ZNF804B: variants seen among roughly 807,000 people sequenced by gnomAD.
The protein encoded by ZNF804B is zinc finger 804B.
Under a neutral mutation model 101.4 loss-of-function variants are expected in ZNF804B, and 80 were observed. The ratio of observed to expected loss-of-function variants is 0.79; its 90% confidence interval spans 0.66 to 0.95. The LOEUF (loss-of-function observed/expected upper bound fraction) is 0.95, where lower values mean the gene tolerates loss of function less well. Ranked by LOEUF, ZNF804B falls within the 40% of genes least tolerant of loss-of-function variation. The probability of loss-of-function intolerance (pLI) is 0.00; values close to 1 mark genes in which losing one functional copy is unlikely to be tolerated. For missense variants in ZNF804B, 1,673 were observed against 1,561.9 expected (o/e 1.07, Z -1.20); for synonymous variants, 622 against 558.8 (o/e 1.11, Z -1.59).
intron 1 of ZNF804B, among the ~76,000 whole-genome samples, chr7:89,187,419 C>T (rs1788390804): frequency 1.3e-5 from 2 of 152,052 alleles, no homozygotes; most frequent in African/African-American, 4.8e-5. Flanking sequence ...AAGGGAGCTC[C>T]AAACAAACAA....
rs115424934 is a variant in ZNF804B, at chr7:89,329,828, T to C, written c.380+2354T>C. 7.2e-3 allele frequency among the ~76,000 whole-genome samples: 1,091 copies of C among 151,806 alleles called. 14 individuals are homozygous for C. The highest frequency in any genetic ancestry group is 0.025 in the African/African-American group (1,053 of 41,504). ...TTTTTTAAGTGGTGTCATTTCTTAA[T>C]GTTCCACGTTATCTAGCTCTTATAT... On this transcript the variant is annotated intron_variant, in intron 3 of 3. Coordinates refer to ENST00000333190, the MANE Select transcript of ZNF804B (RefSeq NM_181646.5).
At chr7:89,120,588 G>T (rs1444403834) in intron 1 of ZNF804B, among the ~76,000 whole-genome samples, 1 of 145,182 alleles carries the variant, frequency 6.9e-6, no homozygotes, top group African/African-American at 2.6e-5. Context: ...AACCCGGGAG[G>T]CGGAGCTTGC....
At chr7:89,213,066 G>A (rs957485881) in intron 1 of ZNF804B, among the ~76,000 whole-genome samples, 3 of 152,136 alleles carry the variant, frequency 2.0e-5, no homozygotes. Flanking sequence ...TTGAACTTCT[G>A]TAAGACAGAG....
chr7:88,944,330 GT>G (rs1349430459), intron 1 of ZNF804B, among the ~76,000 whole-genome samples: 3 of 151,482 alleles, frequency 2.0e-5, no homozygotes, highest in Non-Finnish European at 4.4e-5. Context: ...TGCAATTTTT[GT>G]TTGCATTTTC....
intron 1 of ZNF804B, among the ~76,000 whole-genome samples, chr7:89,165,541 A>G (rs1791129421): frequency 6.6e-6 from 1 of 152,120 alleles, no homozygotes; most frequent in African/African-American, 2.4e-5. Flanking sequence ...TGGAAGGCAG[A>G]ATCCCTTAAG....
chr7:89,298,565 T>G (rs1463341883), intron 2 of ZNF804B, among the ~76,000 whole-genome samples: 1 of 151,736 alleles, frequency 6.6e-6, no homozygotes, highest in Non-Finnish European at 1.5e-5. Context: ...TACATCTGTG[T>G]CTTTGCATGT....
At chr7:89,200,740 G>A (rs1299932920) in intron 1 of ZNF804B, among the ~76,000 whole-genome samples, 2 of 151,840 alleles carry the variant, frequency 1.3e-5, no homozygotes, top group African/African-American at 4.8e-5. Flanking sequence ...TCTGTCCACC[G>A]CCAACATATG....
At chr7:88,780,386 C>CTTTTTTT (rs34619990) in intron 1 of ZNF804B, among the ~76,000 whole-genome samples, 5 of 111,196 alleles carry the variant, frequency 4.5e-5, no homozygotes, top group African/African-American at 7.0e-5. Context: ...ACTTTTTTGT[C>CTTTTTTT]TTTTTTTTTT....
intron 1 of ZNF804B, among the ~76,000 whole-genome samples, chr7:89,178,735 T>G (rs1280007096): frequency 2.6e-5 from 4 of 152,180 alleles, no homozygotes; most frequent in Non-Finnish European, 5.9e-5. Context: ...ATTCATATTT[T>G]TCTTTGTGCT....
chr7:88,760,174 A>T, intron 1 of ZNF804B, 90 bp downstream of exon 1: 1 of 1,079,114 alleles, frequency 9.3e-7, no homozygotes, highest in South Asian at 1.3e-5. Flanking sequence ...TGATACAATG[A>T]GTAGGTGGTG....
At chr7:89,161,144 T>C (rs1350284905) in intron 1 of ZNF804B, among the ~76,000 whole-genome samples, 1 of 152,014 alleles carries the variant, frequency 6.6e-6, no homozygotes, top group Non-Finnish European at 1.5e-5. Context: ...AGCTGACTCC[T>C]ACAACTGTGC....
chr7:88,793,756 C>A (rs922256980), intron 1 of ZNF804B, among the ~76,000 whole-genome samples: 2 of 152,062 alleles, frequency 1.3e-5, no homozygotes, highest in Admixed American at 6.6e-5. Flanking sequence ...AGGTTGCAAG[C>A]AACTCAAGGG....
intron 1 of ZNF804B, among the ~76,000 whole-genome samples, chr7:89,200,870 C>T (rs2115649020): frequency 6.6e-6 from 1 of 152,106 alleles, no homozygotes; most frequent in East Asian, 1.9e-4. Context: ...CATCTGTTTT[C>T]TCTTTCTATC....
At chr7:89,133,035 A>T (rs1168930175) in intron 1 of ZNF804B, among the ~76,000 whole-genome samples, 2 of 152,004 alleles carry the variant, frequency 1.3e-5, no homozygotes, top group Middle Eastern at 3.2e-3. Context: ...ATAATGCCTT[A>T]ACCTAAATCT....
In ZNF804B at chr7:88,759,802, A is replaced by G; in HGVS notation, c.-175A>G. On this transcript the variant is annotated 5_prime_UTR_variant, in exon 1 of 4. Transcript: ENST00000333190. ...TGTCAGAGCAGCAGCTGTCGGCAGCAGGAGCCCCGCACGGGGCGCGGAGCA... is the reference window on the plus strand; with the variant it reads ...TGTCAGAGCAGCAGCTGTCGGCAGCGGGAGCCCCGCACGGGGCGCGGAGCA... The G allele has an allele frequency of 5.0e-6, 3 of 605,350 alleles. No individual in the cohort carries two copies. Among genetic ancestry groups the G allele is most frequent in the East Asian group, 2.8e-5 (1 of 36,068 alleles). The allele number at this position is 605,350 out of a possible 1,614,324, so 37.5% of individuals were successfully genotyped here.
intron 2 of ZNF804B, among the ~76,000 whole-genome samples, chr7:89,326,318 T>C (rs1584126692): frequency 1.3e-5 from 2 of 152,024 alleles, no homozygotes; most frequent in South Asian, 4.1e-4. Flanking sequence ...ATCTCACCAC[T>C]GTCTACCATG....
At chr7:89,093,333 T>G (rs1255772010) in intron 1 of ZNF804B, among the ~76,000 whole-genome samples, 1 of 152,228 alleles carries the variant, frequency 6.6e-6, no homozygotes. Context: ...CAAAGTTATT[T>G]AGGTAACTTT....
chr7:89,000,080 G>T (rs767316423), intron 1 of ZNF804B, among the ~76,000 whole-genome samples: 1 of 151,938 alleles, frequency 6.6e-6, no homozygotes, highest in Non-Finnish European at 1.5e-5. Flanking sequence ...GACATAGACT[G>T]TGTGATACAA....
At chr7:88,807,316 A>C (rs1790706626) in intron 1 of ZNF804B, among the ~76,000 whole-genome samples, 1 of 152,214 alleles carries the variant, frequency 6.6e-6, no homozygotes, top group South Asian at 2.1e-4. Context: ...GAACAATAAA[A>C]AGAACAAAAA....
Sources: gnomAD v4.1 joint callset for allele counts (sites outside exome capture counted in the v4.1 genomes callset) on GRCh38, gnomAD v4.1.1 for gene constraint, MANE v1.5 for transcripts, NCBI Gene and HGNC (gene_info 2026-07-23, HGNC 2026-07-21) for gene names.